CREB5: variants seen among roughly 807,000 people sequenced by gnomAD.
The protein encoded by CREB5 is cyclic AMP-responsive element-binding protein 5.
In CREB5, 19 loss-of-function variants were observed where a neutral mutation model predicts 57.1. The observed-to-expected ratio is 0.33, with a 90% CI of 0.23 to 0.49. The LOEUF (loss-of-function observed/expected upper bound fraction) is 0.49, where lower values mean the gene tolerates loss of function less well. Among genes scored for constraint, CREB5 ranks in the 20% least tolerant of loss-of-function variants. The pLI, the probability that CREB5 is intolerant of heterozygous loss-of-function variation, is 0.99. For missense variants in CREB5, 579 were observed against 671.6 expected (o/e 0.86, Z 1.52); for synonymous variants, 238 against 238.3 (o/e 1.00, Z 0.01).
intron 5 of CREB5, among the ~76,000 whole-genome samples, chr7:28,643,576 C>T (rs1282853441): frequency 6.6e-6 from 1 of 152,072 alleles, no homozygotes; most frequent in African/African-American, 2.4e-5. Flanking sequence ...TGTGTTTGCT[C>T]ATCTGTAATA....
At chr7:28,720,657 C>G (rs866133427) in intron 6 of CREB5, among the ~76,000 whole-genome samples, 2 of 152,156 alleles carry the variant, frequency 1.3e-5, no homozygotes, top group Non-Finnish European at 2.9e-5. Context: ...GGCCAGAGGA[C>G]AGATCACGTT....
chr7:28,693,856 C>A (rs184865051), intron 5 of CREB5, among the ~76,000 whole-genome samples: 3 of 152,248 alleles, frequency 2.0e-5, no homozygotes, highest in Admixed American at 1.3e-4. Flanking sequence ...ATATTTTGGG[C>A]ATTAATAATG....
intron 5 of CREB5, among the ~76,000 whole-genome samples, chr7:28,690,470 A>G (rs1801192982): frequency 6.6e-6 from 1 of 152,186 alleles, no homozygotes; most frequent in Non-Finnish European, 1.5e-5. Context: ...TCAGAGAAGC[A>G]GGGTGGGGTC....
At chr7:28,393,279 T>C (rs1366183150) in intron 1 of CREB5, among the ~76,000 whole-genome samples, 7 of 152,212 alleles carry the variant, frequency 4.6e-5, no homozygotes, top group Non-Finnish European at 1.0e-4. Flanking sequence ...TGAGTCTGAC[T>C]CGTCTCTCAA....
At chr7:28,786,576 A>G (rs777474060) in intron 7 of CREB5, among the ~76,000 whole-genome samples, 18 of 152,130 alleles carry the variant, frequency 1.2e-4, no homozygotes, top group Non-Finnish European at 1.9e-4. Context: ...TTTAATTTGA[A>G]TATTTCCAGG....
chr7:28,671,407 C>CTT (rs1358884494), intron 5 of CREB5, among the ~76,000 whole-genome samples: 1 of 152,102 alleles, frequency 6.6e-6, no homozygotes, highest in Non-Finnish European at 1.5e-5. Flanking sequence ...TTATCGCTTG[C>CTT]TTTAGCATAA....
intron 1 of CREB5, among the ~76,000 whole-genome samples, chr7:28,417,031 A>G (rs1361048804): frequency 1.3e-5 from 2 of 152,248 alleles, no homozygotes; most frequent in Non-Finnish European, 2.9e-5. Flanking sequence ...TGGCTCTGCA[A>G]CAATGAGCAG....
At chr7:28,540,685 G>C (rs188314778) in intron 4 of CREB5, among the ~76,000 whole-genome samples, 13 of 152,220 alleles carry the variant, frequency 8.5e-5, no homozygotes, top group Admixed American at 6.5e-5. Flanking sequence ...TGGCATATTT[G>C]TTTTCCTCCC....
chr7:28,716,102 C>T (rs767253977), intron 5 of CREB5, among the ~76,000 whole-genome samples: 50 of 152,162 alleles, frequency 3.3e-4, no homozygotes, highest in East Asian at 2.7e-3. Context: ...TCCCCATTCG[C>T]GTAACCATTA....
chr7:28,360,887 A>G (rs1786461754), intron 1 of CREB5, among the ~76,000 whole-genome samples: 1 of 152,104 alleles, frequency 6.6e-6, no homozygotes, highest in Non-Finnish European at 1.5e-5. Context: ...GTGATTCTCC[A>G]CTGGGGGAAG....
chr7:28,706,794 C>A (rs973360740), intron 5 of CREB5, among the ~76,000 whole-genome samples: 2 of 152,164 alleles, frequency 1.3e-5, no homozygotes, highest in East Asian at 1.9e-4. Flanking sequence ...TTCCCCCATA[C>A]CCCCTGTTCA....
At chr7:28,643,968 C>G (rs1459213988) in intron 5 of CREB5, among the ~76,000 whole-genome samples, 1 of 151,922 alleles carries the variant, frequency 6.6e-6, no homozygotes, top group Non-Finnish European at 1.5e-5. Context: ...AGTCCAGCTG[C>G]TAGGGAGGCT....
chr7:28,580,578 TGTGTGTGTGTGTGTGA>T (rs1796084743), intron 5 of CREB5, among the ~76,000 whole-genome samples: 2 of 144,948 alleles, frequency 1.4e-5, no homozygotes, highest in African/African-American at 2.5e-5. Context: ...TGTGTGTGTG[TGTGTGTGTGTGTGTGA>T]GAGAGAGATA....
chr7:28,421,849 C>A, intron 1 of CREB5, among the ~76,000 whole-genome samples: 1 of 29,750 alleles, frequency 3.4e-5, no homozygotes, highest in Non-Finnish European at 5.6e-5. Context: ...CACACACACT[C>A]TCTCTCTCTA....
At chr7:28,395,580 T>C (rs189402664) in intron 1 of CREB5, among the ~76,000 whole-genome samples, 1 of 152,296 alleles carries the variant, frequency 6.6e-6, no homozygotes, top group East Asian at 1.9e-4. Context: ...ATATCTGACT[T>C]GCACTATTCT....
At chr7:28,352,542 G>T (rs1786253301) in intron 1 of CREB5, among the ~76,000 whole-genome samples, 1 of 152,196 alleles carries the variant, frequency 6.6e-6, no homozygotes, top group Admixed American at 6.5e-5. Context: ...TTAAGGACCT[G>T]ATTCTTTCTT....
intron 5 of CREB5, among the ~76,000 whole-genome samples, chr7:28,718,180 G>C (rs191405483): frequency 7.9e-5 from 12 of 152,362 alleles, no homozygotes; most frequent in African/African-American, 2.9e-4. Flanking sequence ...AAGGCCAGCT[G>C]TGCTGCCGCA....
chr7:28,686,181 T>G, intron 5 of CREB5: 2 of 1,612,922 alleles, frequency 1.2e-6, no homozygotes, highest in Non-Finnish European at 1.7e-6. Context: ...GAATTCAGCC[T>G]CAGTGATGTC....
At chr7:28,805,503 T>A (rs1808666054) in intron 8 of CREB5, among the ~76,000 whole-genome samples, 1 of 152,136 alleles carries the variant, frequency 6.6e-6, no homozygotes, top group Non-Finnish European at 1.5e-5. Flanking sequence ...ATTCACTGTC[T>A]CCTCTGTCAT....
Sources: gnomAD v4.1 joint callset for allele counts (sites outside exome capture counted in the v4.1 genomes callset) on GRCh38, gnomAD v4.1.1 for gene constraint, MANE v1.5 for transcripts, NCBI Gene and HGNC (gene_info 2026-07-23, HGNC 2026-07-21) for gene names.